The following UTP20 variants were observed in gnomAD, a reference collection of about 807,000 sequenced individuals.
UTP20 encodes the protein UTP20 small subunit processome component.
UTP20 carries 164 observed loss-of-function variants against 329.5 expected under a neutral mutation model. The observed-to-expected ratio is 0.50, with a 90% CI of 0.44 to 0.57. The LOEUF (loss-of-function observed/expected upper bound fraction) is 0.57, where lower values mean the gene tolerates loss of function less well. UTP20 is among the 20% of genes least tolerant of loss of function. The pLI is 0.00. For synonymous variants in UTP20, 1,151 were observed against 1,159.3 expected, an observed-to-expected ratio of 0.99 and a Z score of 0.14; for missense variants, 3,055 against 3,284.2, an observed-to-expected ratio of 0.93 and a Z score of 1.71.
chr12:101,308,734 GTTT>G (rs34029914), intron 18 of UTP20, among the ~76,000 whole-genome samples: 3 of 144,168 alleles, frequency 2.1e-5, no homozygotes, highest in African/African-American at 2.5e-5. Context: ...AGCTCTCTAT[GTTT>G]TTTTTTTTTT....
Position 101,383,258 on chromosome 12 carries a change from AG to A in UTP20, c.7875del (p.Lys2625AsnfsTer18). ...RPATLLWLIQ[K>X]LSRIAKLEAA... is the part of the protein sequence containing the mutation. ...GCCACGCTGCTGTGGTTGATCCAGA[AG>A]CTGTCCCGGATTGCAAAACTGGAAG... On this transcript the variant is annotated frameshift_variant, in exon 59 of 62. Coordinates refer to ENST00000261637, the MANE Select transcript of UTP20 (RefSeq NM_014503.3). LOFTEE classifies it high-confidence loss of function. 5 of 1,614,214 alleles carry A rather than the reference AG, an allele frequency of 3.1e-6. No individual in the cohort carries two copies. The highest frequency in any genetic ancestry group is 3.4e-6 in the Non-Finnish European group (4 of 1,180,042).
At chr12:101,379,350 A>G (rs1038785726) in intron 56 of UTP20, 21 bp from the exon 57 acceptor site, 5 of 1,569,058 alleles carry the variant, frequency 3.2e-6, no homozygotes, top group Non-Finnish European at 4.3e-6. Context: ...GACATCCACA[A>G]ATGCTTTTTG....
At chr12:101,378,064 A>G (rs1870534074) in intron 56 of UTP20, among the ~76,000 whole-genome samples, 1 of 152,170 alleles carries the variant, frequency 6.6e-6, no homozygotes. Context: ...TCTATAAAAA[A>G]TAACTTCCTG....
At chr12:101,322,564 A>G (rs2137261436) in intron 25 of UTP20, among the ~76,000 whole-genome samples, 2 of 152,306 alleles carry the variant, frequency 1.3e-5, no homozygotes, top group South Asian at 4.1e-4. Context: ...GAGAATTGGA[A>G]AGATCATGGG....
intron 41 of UTP20, 147 bp from the exon 42 acceptor site, chr12:101,356,407 T>G: frequency 2.4e-4 from 186 of 785,618 alleles, no homozygotes; most frequent in Middle Eastern, 3.8e-4. Context: ...ATTCCAGGCA[T>G]GAGCCACCGC....
In UTP20 at chr12:101,285,612, G is replaced by T. The variant is rs1171081345; in HGVS notation, c.169G>T (p.Glu57Ter). The T allele has an allele frequency of 6.2e-7, 1 of 1,613,784 alleles. No homozygotes were observed. Among genetic ancestry groups the T allele is most frequent in the Admixed American group, 1.7e-5 (1 of 60,016 alleles). ...TTTTGAGGGTCTGCTGAAATGGAGA[G>T]AATTAAACCTCACAGAACACTTCGG... ...YFFEGLLKWR[E>*]LNLTEHFGKF... The change falls in exon 3 of 62, where the codon GAA (glutamate) becomes TAA (stop). Residue 57 changes from glutamate to a stop codon, truncating the protein, a stop_gained. Coordinates refer to ENST00000261637, the MANE Select transcript of UTP20 (RefSeq NM_014503.3). LOFTEE classifies it high-confidence loss of function.
chr12:101,329,182 A>G, intron 26 of UTP20, 59 bp from the exon 27 acceptor site: 2 of 1,398,208 alleles, frequency 1.4e-6, no homozygotes, highest in Non-Finnish European at 2.0e-6. Context: ...CTACAATTAT[A>G]AATAGTAACA....
At chr12:101,295,767 A>G (rs1389985081) in intron 12 of UTP20, 109 bp downstream of exon 12, 5 of 1,250,386 alleles carry the variant, frequency 4.0e-6, no homozygotes, top group Admixed American at 2.9e-5. Flanking sequence ...AAAGATGTCC[A>G]TGATAAGTTG....
intron 11 of UTP20, among the ~76,000 whole-genome samples, chr12:101,294,000 TC>T (rs1872259404): frequency 6.6e-6 from 1 of 152,158 alleles, no homozygotes; most frequent in African/African-American, 2.4e-5. Context: ...TTAGCAGCCA[TC>T]GGGTCTAATG....
In UTP20 at chr12:101,375,611, G is replaced by A. The variant is rs200842621; in HGVS notation, c.7264-13G>A. 4.3e-5 allele frequency: 69 copies of A among 1,608,462 alleles called. No individual in the cohort carries two copies. Among genetic ancestry groups the A allele is most frequent in the East Asian group, 2.2e-4 (10 of 44,722 alleles). On this transcript the variant is annotated splice_polypyrimidine_tract_variant and intron_variant, in intron 55 of 61. Coordinates refer to ENST00000261637, the MANE Select transcript of UTP20 (RefSeq NM_014503.3). Reference sequence around the variant, plus strand: ...TTGTTGTTTTCATTGATTTACATCCGTCTTGTTTTTAGATCATGGAAGAAA... The same window carrying A: ...TTGTTGTTTTCATTGATTTACATCCATCTTGTTTTTAGATCATGGAAGAAA...
At chr12:101,375,151 T>C (rs1046055191) in intron 55 of UTP20, among the ~76,000 whole-genome samples, 1 of 151,986 alleles carries the variant, frequency 6.6e-6, no homozygotes, top group Non-Finnish European at 1.5e-5. Context: ...AAATGAGCAT[T>C]ATAGCCAGGC....
intron 2 of UTP20, among the ~76,000 whole-genome samples, 167 bp from the exon 3 acceptor site, chr12:101,285,403 T>C (rs1249171481): frequency 2.0e-5 from 3 of 152,230 alleles, no homozygotes; most frequent in South Asian, 4.1e-4. Flanking sequence ...TGATAACTTC[T>C]GATTGCTTTT....
intron 38 of UTP20, among the ~76,000 whole-genome samples, chr12:101,350,806 G>A (rs1041087774): frequency 6.6e-6 from 1 of 151,878 alleles, no homozygotes; most frequent in Non-Finnish European, 1.5e-5. Flanking sequence ...TTCTTTTCCC[G>A]TGTCTTCCTT....
At chr12:101,380,809 A>G (rs2121060129) in intron 57 of UTP20, among the ~76,000 whole-genome samples, 1 of 148,104 alleles carries the variant, frequency 6.8e-6, no homozygotes, top group African/African-American at 2.5e-5. Flanking sequence ...GGTTGCAGTG[A>G]GCCGAGATCA....
At chr12:101,320,784 C>G in intron 23 of UTP20, 68 bp from the exon 24 acceptor site, 1 of 1,342,174 alleles carries the variant, frequency 7.5e-7, no homozygotes, top group South Asian at 1.6e-5. Context: ...CAAATAACCA[C>G]AAGTAAATTG....
intron 21 of UTP20, among the ~76,000 whole-genome samples, chr12:101,313,706 G>A (rs1429519258): frequency 6.6e-6 from 1 of 151,804 alleles, no homozygotes; most frequent in Admixed American, 6.6e-5. Flanking sequence ...ATCAGATGTG[G>A]GACGGGTGTG....
intron 25 of UTP20, among the ~76,000 whole-genome samples, chr12:101,325,514 A>G (rs1259647882): frequency 6.6e-6 from 1 of 152,244 alleles, no homozygotes; most frequent in Non-Finnish European, 1.5e-5. Flanking sequence ...AAATTCTACT[A>G]GTCATTCTTC....
rs1043154980 is a variant in UTP20 at position 101,305,546 on chromosome 12, A to G, written c.1782-369A>G. 2.0e-5 allele frequency among the ~76,000 whole-genome samples: 3 copies of G among 147,928 alleles called. No homozygotes were observed. The Admixed American group carries it at 2.0e-4, about 10-fold the overall frequency. ...CTTAATAAATATTATATATGTATAT[A>G]TTATATTAAATATTAAATTTAATAT... On this transcript the variant is annotated intron_variant, in intron 15 of 61. Coordinates refer to ENST00000261637, the MANE Select transcript of UTP20 (RefSeq NM_014503.3).
intron 21 of UTP20, among the ~76,000 whole-genome samples, chr12:101,314,654 T>C (rs1872908250): frequency 7.3e-6 from 1 of 137,204 alleles, no homozygotes; most frequent in Non-Finnish European, 1.5e-5. Flanking sequence ...CGAGACTCTG[T>C]CTCAAAAAAA....
Sources: allele counts gnomAD v4.1 joint callset (sites outside exome capture counted in the v4.1 genomes callset), GRCh38; gene constraint gnomAD v4.1.1; transcripts MANE v1.5; gene names NCBI Gene and HGNC (gene_info 2026-07-23, HGNC 2026-07-21).